WHRN: variants seen among roughly 807,000 people sequenced by gnomAD.
WHRN encodes the protein CASK-interacting protein CIP98.
A neutral mutation model predicts 68.3 loss-of-function variants in WHRN; 41 were observed. The ratio of observed to expected loss-of-function variants is 0.60; its 90% CI spans 0.47 to 0.78. The LOEUF (loss-of-function observed/expected upper bound fraction) is 0.78, where lower values mean the gene tolerates loss of function less well. Ranked by LOEUF, WHRN falls within the 30% of genes least tolerant of loss-of-function variation. WHRN has a pLI of 0.00. For synonymous variants in WHRN, 560 were observed against 561.3 expected (o/e 1.00, Z 0.03); for missense variants, 1,243 against 1,244.7 (o/e 1.00, Z 0.02).
intron 3 of WHRN, among the ~76,000 whole-genome samples, chr9:114,456,451 A>G (rs1460926876): frequency 2.0e-5 from 3 of 152,204 alleles, no homozygotes; most frequent in Non-Finnish European, 4.4e-5. Context: ...CATTGGTTCA[A>G]CCGATCTTAT....
chr9:114,443,098 AC>A (rs1838519989), intron 3 of WHRN, among the ~76,000 whole-genome samples: 1 of 152,212 alleles, frequency 6.6e-6, no homozygotes. Flanking sequence ...TCCAACTCCT[AC>A]CAAGAAGAAA....
chr9:114,458,060 C>T (rs1252397682), intron 3 of WHRN, among the ~76,000 whole-genome samples: 1 of 152,192 alleles, frequency 6.6e-6, no homozygotes, highest in South Asian at 2.1e-4. Flanking sequence ...TCACCCTTAG[C>T]AGAGCGTAAT....
chr9:114,423,168 G>T, intron 7 of WHRN, 146 bp downstream of exon 7: 1 of 851,200 alleles, frequency 1.2e-6, no homozygotes, highest in East Asian at 2.6e-5. Flanking sequence ...GGTTTTTACA[G>T]AGGAAGAAAC....
rs147358257 is a variant in WHRN at position 114,406,398 on chromosome 9, G to A, written c.2193C>T (p.Ser731=). ...CCCTCACTTCATTGACGTCTGGCTC[G>A]CTGTCGGGGCGGTGGACCTCCACCA... ...FVMVEVHRPD[S]EPDVNEVRAL... Residue 731 remains serine (S), a synonymous_variant, in exon 9 of 12, where the codon AGC becomes AGT. Transcript: ENST00000362057. 70 of 1,614,164 alleles carry A rather than the reference G, an allele frequency of 4.3e-5. No individual in the cohort carries two copies. Among genetic ancestry groups the A allele is most frequent in the African/African-American group, 3.3e-4 (25 of 75,048 alleles).
In WHRN at chr9:114,466,354, G is replaced by T. The variant is rs1252438116; in HGVS notation, c.876C>A (p.Leu292=). Reference sequence around the variant, plus strand: ...CGTACTCAGCTCCCCCACGGATCGTGAGGCCCAGGGACCGGCCGTCCCCCA... The same window carrying T: ...CGTACTCAGCTCCCCCACGGATCGTTAGGCCCAGGGACCGGCCGTCCCCCA... ...LVLGDGRSLG[L]TIRGGAEYGL... is the part of the protein sequence containing the mutation. The change falls in exon 3 of 12, where the codon CTC becomes CTA. Residue 292 remains leucine, a synonymous_variant. Coordinates refer to ENST00000362057, the MANE Select transcript of WHRN (RefSeq NM_015404.4). 1 of 1,614,004 alleles carries T rather than the reference G, an allele frequency of 6.2e-7. No individual in the cohort carries two copies. Among genetic ancestry groups the T allele is most frequent in the African/African-American group, 1.3e-5 (1 of 74,938 alleles).
At chr9:114,407,359 CCT>C (rs1368411698) in intron 8 of WHRN, among the ~76,000 whole-genome samples, 1 of 152,118 alleles carries the variant, frequency 6.6e-6, no homozygotes, top group African/African-American at 2.4e-5. Flanking sequence ...AGGCACAACA[CCT>C]CTCTGAGTGC....
chr9:114,488,875 T>C (rs1045396335), intron 1 of WHRN, among the ~76,000 whole-genome samples: 1 of 152,190 alleles, frequency 6.6e-6, no homozygotes, highest in Admixed American at 6.5e-5. Context: ...GCCCAGTCAC[T>C]GCAGAGCAAC....
At chr9:114,471,146 G>C (rs963781344) in intron 2 of WHRN, among the ~76,000 whole-genome samples, 13 of 152,174 alleles carry the variant, frequency 8.5e-5, no homozygotes, top group African/African-American at 2.7e-4. Context: ...CTATGGGAAA[G>C]CAAATGACAC....
chr9:114,406,380 T>C lies in WHRN; in HGVS notation c.2211A>G (p.Glu737=), dbSNP rs1835027425. 3 of 1,614,020 alleles carry C rather than the reference T, an allele frequency of 1.9e-6. No homozygotes were observed. ...HRPDSEPDVN[E]VRALPQTRTA... The stretch of plus-strand genomic sequence containing the variant: ...TGCGCGTCTGGGGCAGCGCCCTCAC[T>C]TCATTGACGTCTGGCTCGCTGTCGG... The change falls in exon 9 of 12, where the codon GAA becomes GAG. Residue 737 remains glutamate, a synonymous_variant. Coordinates refer to ENST00000362057, the MANE Select transcript of WHRN (RefSeq NM_015404.4).
At chr9:114,433,515 CA>C (rs1837593353) in intron 3 of WHRN, among the ~76,000 whole-genome samples, 1 of 152,164 alleles carries the variant, frequency 6.6e-6, no homozygotes, top group East Asian at 1.9e-4. Flanking sequence ...AAGGAAAATT[CA>C]AATTCTATTA....
At chr9:114,475,664 G>A (rs1415655178) in intron 2 of WHRN, among the ~76,000 whole-genome samples, 1 of 152,168 alleles carries the variant, frequency 6.6e-6, no homozygotes. Flanking sequence ...GTCTGGCCGT[G>A]GCTTTTTGGA....
At chr9:114,403,760 TC>T in intron 10 of WHRN, 135 bp downstream of exon 10, 1 of 1,131,096 alleles carries the variant, frequency 8.8e-7, no homozygotes, top group Non-Finnish European at 1.3e-6. Flanking sequence ...GACGTCCAAA[TC>T]CCTCCAGTTA....
chr9:114,504,252 C>T lies in WHRN; in HGVS notation c.550G>A (p.Val184Ile). 1 of 1,614,168 alleles carries T rather than the reference C, an allele frequency of 6.2e-7. No homozygotes were observed. Among genetic ancestry groups the T allele is most frequent in the African/African-American group, 1.3e-5 (1 of 75,066 alleles). The change falls in exon 1 of 12, where the codon GTC becomes ATC. Residue 184 changes from valine to isoleucine, a missense_variant. Transcript: ENST00000362057. ...TTGACGCGCAGAATCTGGTCCCCGA[C>T]CCGCAGTCCTTCCTTCTCAGCTAGA... ...GSLAEKEGLR[V>I]GDQILRVNDK...
In WHRN at chr9:114,423,375, T is replaced by G. The variant is rs755519779; in HGVS notation, c.1565A>C (p.Tyr522Ser). The G allele has an allele frequency of 1.9e-6, 3 of 1,614,056 alleles. No homozygotes were observed. Among genetic ancestry groups the G allele is most frequent in the Non-Finnish European group, 2.5e-6 (3 of 1,179,966 alleles). The stretch of plus-strand genomic sequence containing the variant: ...GCCTGTGGATGAACCCGTGTCACTG[T>G]AGGAGACCATGGAGTAGGTGTCCCC... ...GAGDTYSMVSYSDTGSSTGSH... is the reference protein window; with the variant it reads ...GAGDTYSMVSSSDTGSSTGSH... The change falls in exon 7 of 12, where the codon TAC becomes TCC. Residue 522 changes from tyrosine (Y) to serine (S), a missense_variant. Coordinates refer to ENST00000362057, the MANE Select transcript of WHRN (RefSeq NM_015404.4).
intron 7 of WHRN, among the ~76,000 whole-genome samples, chr9:114,420,006 C>G (rs1201644514): frequency 1.3e-5 from 2 of 152,158 alleles, no homozygotes; most frequent in Non-Finnish European, 2.9e-5. Flanking sequence ...TAAGGGACTC[C>G]CACAGTCCCC....
chr9:114,423,376 AG>A lies in WHRN; in HGVS notation c.1563del (p.Tyr522ThrfsTer75), dbSNP rs1270309511. The A allele has an allele frequency of 6.2e-7, 1 of 1,614,018 alleles. No individual in the cohort carries two copies. The highest frequency in any genetic ancestry group is 1.7e-5 in the Admixed American group (1 of 60,020). On this transcript the variant is annotated frameshift_variant, in exon 7 of 12. Coordinates refer to ENST00000362057, the MANE Select transcript of WHRN (RefSeq NM_015404.4). LOFTEE classifies it high-confidence loss of function. ...PGAGDTYSMV[S>X]YSDTGSSTGS... ...CCTGTGGATGAACCCGTGTCACTGT[AG>A]GAGACCATGGAGTAGGTGTCCCCAG... is the stretch of plus-strand genomic sequence containing the variant.
At chr9:114,499,519 T>TTTGGTTTATG (rs1843738845) in intron 1 of WHRN, among the ~76,000 whole-genome samples, 1 of 152,196 alleles carries the variant, frequency 6.6e-6, no homozygotes, top group African/African-American at 2.4e-5. Context: ...ACCAAAGGCT[T>TTTGGTTTATG]CCCTTCCAGG....
At chr9:114,473,439 T>C (rs1216015658) in intron 2 of WHRN, among the ~76,000 whole-genome samples, 1 of 152,198 alleles carries the variant, frequency 6.6e-6, no homozygotes, top group African/African-American at 2.4e-5. Flanking sequence ...GCCTGAGATA[T>C]GAGCCTGACC....
At chr9:114,406,088 C>T (rs894682302) in intron 9 of WHRN, among the ~76,000 whole-genome samples, 2 of 152,214 alleles carry the variant, frequency 1.3e-5, no homozygotes, top group African/African-American at 4.8e-5. Flanking sequence ...GGCACCCCGA[C>T]GCTCGCAGCA....
Sources: allele counts gnomAD v4.1 joint callset (sites outside exome capture counted in the v4.1 genomes callset), GRCh38; gene constraint gnomAD v4.1.1; transcripts MANE v1.5; gene names NCBI Gene and HGNC (gene_info 2026-07-23, HGNC 2026-07-21).